The following CASK variants were observed in gnomAD, a reference collection of about 807,000 sequenced individuals.
CASK encodes the protein peripheral plasma membrane protein CASK.
Under a neutral mutation model 82.9 loss-of-function variants are expected in CASK, and 4 were observed. The ratio of observed to expected loss-of-function variants is 0.05; its 90% CI spans 0.02 to 0.11. CASK has a LOEUF of 0.11. CASK is among the 10% of genes least tolerant of loss of function. CASK has a pLI of 1.00. For synonymous variants in CASK, 259 were observed against 253.5 expected, an observed-to-expected ratio of 1.02 and a Z score of -0.20; for missense variants, 358 against 720.9, an observed-to-expected ratio of 0.50 and a Z score of 5.76.
At chrX:41,538,757 T>C (rs901730028) in intron 22 of CASK, among the ~76,000 whole-genome samples, 1 of 112,026 alleles carries the variant, frequency 8.9e-6, no homozygotes, top group Admixed American at 9.5e-5. Context: ...TGAATCCTTG[T>C]CTCAGCTGGA....
chrX:41,574,983 T>C (rs2065466305), intron 15 of CASK, among the ~76,000 whole-genome samples: 1 of 112,567 alleles, frequency 8.9e-6, no homozygotes, highest in Admixed American at 9.4e-5. Context: ...GATTCAATTG[T>C]AATATTCAAG....
intron 12 of CASK, among the ~76,000 whole-genome samples, chrX:41,591,569 G>T (rs778273960): frequency 1.8e-5 from 2 of 109,741 alleles, no homozygotes; most frequent in African/African-American, 6.7e-5. Flanking sequence ...CTGCCTCCTC[G>T]GTTCGAGCGA....
intron 5 of CASK, among the ~76,000 whole-genome samples, chrX:41,687,965 C>CAAAA (rs76783862): frequency 4.1e-5 from 1 of 24,578 alleles, no homozygotes; most frequent in African/African-American, 1.5e-4. Flanking sequence ...AACTCCGTCT[C>CAAAA]AAAAAAAAAA....
intron 2 of CASK, among the ~76,000 whole-genome samples, chrX:41,843,828 G>A (rs2071095684): frequency 9.0e-6 from 1 of 110,947 alleles, no homozygotes; most frequent in South Asian, 3.8e-4. Context: ...ATATATTCAA[G>A]ATTCATTCAT....
chrX:41,572,204 C>T (rs1043579172), intron 15 of CASK, among the ~76,000 whole-genome samples: 3 of 109,910 alleles, frequency 2.7e-5, no homozygotes, highest in African/African-American at 9.9e-5. Flanking sequence ...CCTGCCTCAG[C>T]CTCCCAAGTA....
chrX:41,553,636 C>A, intron 21 of CASK, 83 bp downstream of exon 21: 1 of 756,345 alleles, frequency 1.3e-6, no homozygotes, highest in Non-Finnish European at 2.0e-6. Context: ...GTTTTACACT[C>A]TAAAATAATA....
chrX:41,541,371 T>G (rs1453978961), intron 22 of CASK, among the ~76,000 whole-genome samples: 1 of 112,257 alleles, frequency 8.9e-6, no homozygotes, highest in Non-Finnish European at 1.9e-5. Flanking sequence ...TGCAGTGCAT[T>G]TCTTCAAATA....
At chrX:41,532,788 C>T (rs1452396240) in intron 24 of CASK, among the ~76,000 whole-genome samples, 7 of 111,382 alleles carry the variant, frequency 6.3e-5, no homozygotes, top group African/African-American at 2.3e-4. Flanking sequence ...CTAGGCACAT[C>T]AAAAGCTGAA....
chrX:41,799,095 C>T (rs551945472), intron 2 of CASK, among the ~76,000 whole-genome samples: 10 of 112,359 alleles, frequency 8.9e-5, no homozygotes, highest in East Asian at 2.8e-4. Context: ...AGCAAATTTC[C>T]GTAATAAAAT....
intron 8 of CASK, among the ~76,000 whole-genome samples, chrX:41,649,077 A>G (rs907507447): frequency 1.8e-5 from 2 of 111,360 alleles, no homozygotes; most frequent in Admixed American, 9.5e-5. Flanking sequence ...GGTAGTTTGT[A>G]TTTCTGTGGG....
intron 26 of CASK, chrX:41,523,098 A>G (rs1299731573): frequency 8.9e-6 from 1 of 112,680 alleles, no homozygotes; most frequent in Non-Finnish European, 1.9e-5. Flanking sequence ...TTCAAGAAAA[A>G]TACATGGCAA....
intron 16 of CASK, among the ~76,000 whole-genome samples, chrX:41,568,579 G>A (rs1277824623): frequency 8.9e-6 from 1 of 111,789 alleles, no homozygotes; most frequent in Non-Finnish European, 1.9e-5. Context: ...TCTGCCAGAA[G>A]AATCATTTTT....
intron 8 of CASK, among the ~76,000 whole-genome samples, chrX:41,644,619 CTTA>C (rs1411605371): frequency 2.7e-5 from 3 of 112,195 alleles, no homozygotes; most frequent in Non-Finnish European, 5.6e-5. Flanking sequence ...GAGAGATAAC[CTTA>C]AACTCTGACT....
chrX:41,808,976 G>T (rs1355758909), intron 2 of CASK, among the ~76,000 whole-genome samples: 1 of 112,552 alleles, frequency 8.9e-6, no homozygotes, highest in Non-Finnish European at 1.9e-5. Flanking sequence ...CCACACCCAC[G>T]GAGCCTCACT....
At chrX:41,716,010 G>T (rs972697729) in intron 5 of CASK, among the ~76,000 whole-genome samples, 5 of 111,622 alleles carry the variant, frequency 4.5e-5, no homozygotes, top group Admixed American at 9.5e-5. Context: ...TGAATGATGA[G>T]AATACCATAA....
At chrX:41,693,571 G>A (rs910576313) in intron 5 of CASK, among the ~76,000 whole-genome samples, 1 of 111,974 alleles carries the variant, frequency 8.9e-6, no homozygotes, top group Non-Finnish European at 1.9e-5. Flanking sequence ...CCGAGATCAC[G>A]CCATTGCACT....
intron 2 of CASK, among the ~76,000 whole-genome samples, chrX:41,796,749 C>CT (rs2069863031): frequency 9.0e-6 from 1 of 111,682 alleles, no homozygotes; most frequent in Non-Finnish European, 1.9e-5. Context: ...CCTCTACTTC[C>CT]TATATGCAGC....
At chrX:41,841,620 A>G (rs1270607130) in intron 2 of CASK, among the ~76,000 whole-genome samples, 1 of 108,284 alleles carries the variant, frequency 9.2e-6, no homozygotes, top group African/African-American at 3.4e-5. Context: ...AGTTCAGGAA[A>G]TTCTCATGTC....
intron 7 of CASK, among the ~76,000 whole-genome samples, chrX:41,663,235 C>T (rs933901784): frequency 1.8e-5 from 2 of 111,803 alleles, no homozygotes; most frequent in African/African-American, 6.5e-5. Context: ...TAAATGCTGA[C>T]AGAATCATAT....
Sources: allele counts gnomAD v4.1 joint callset (sites outside exome capture counted in the v4.1 genomes callset), GRCh38; gene constraint gnomAD v4.1.1; transcripts MANE v1.5; gene names NCBI Gene and HGNC (gene_info 2026-07-23, HGNC 2026-07-21).